Variants in HIP1 observed in about 807,000 individuals in gnomAD.
The protein encoded by HIP1 is huntingtin interacting protein 1, also known as huntingtin-interacting protein 1.
Under a neutral mutation model 147.6 loss-of-function variants are expected in HIP1, and 65 were observed. That is an observed-to-expected ratio of 0.44 (90% CI 0.36 to 0.54). HIP1 has a LOEUF of 0.54. Among genes scored for constraint, HIP1 ranks in the 20% least tolerant of loss-of-function variants. HIP1 has a pLI of 0.00. For synonymous variants in HIP1, 479 were observed against 504.0 expected (o/e 0.95, Z 0.67); for missense variants, 1,061 against 1,299.6 (o/e 0.82, Z 2.82).
chr7:75,736,891 A>C (rs1554523756), intron 1 of HIP1, among the ~76,000 whole-genome samples: 1 of 149,082 alleles, frequency 6.7e-6, no homozygotes, highest in Non-Finnish European at 1.5e-5. Context: ...GCTTCACACT[A>C]TCCAGACACA....
At chr7:75,715,978 A>C (rs2117364702) in intron 1 of HIP1, among the ~76,000 whole-genome samples, 1 of 151,918 alleles carries the variant, frequency 6.6e-6, no homozygotes, top group Middle Eastern at 3.4e-3. Context: ...TCTTTTAAAC[A>C]ACCAGCTCTC....
rs1563278466 is a variant in HIP1 at position 75,664,032 on chromosome 7, ATATATACACATATATGTG to A, written c.121-64803_121-64786del. On this transcript the variant is annotated intron_variant, in intron 1 of 30. Coordinates refer to ENST00000336926, the MANE Select transcript of HIP1 (RefSeq NM_005338.7). ...TATATATATACACATATATGTGTAT[ATATATACACATATATGTG>A]TATATACACATATATGTGTATATAC... 5.9e-3 allele frequency among the ~76,000 whole-genome samples: 83 copies of A among 14,118 alleles called. 23 individuals carry two copies. Among genetic ancestry groups the A allele is most frequent in the African/African-American group, 0.025 (28 of 1,114 alleles). The allele number at this position is 14,118 out of a possible 152,430, so 9.3% of individuals were successfully genotyped here. A position where few individuals can be genotyped will look rare whatever the true frequency, so the allele number is the denominator to read the frequency against.
intron 1 of HIP1, among the ~76,000 whole-genome samples, chr7:75,612,379 C>T (rs1193530819): frequency 1.6e-4 from 24 of 151,966 alleles, no homozygotes; most frequent in Middle Eastern, 3.4e-3. Context: ...GGTGGTGGCG[C>T]GTACCTGTAG....
chr7:75,711,732 C>G (rs891222191), intron 1 of HIP1, among the ~76,000 whole-genome samples: 3 of 152,218 alleles, frequency 2.0e-5, no homozygotes, highest in Non-Finnish European at 2.9e-5. Flanking sequence ...CCAGACCTCT[C>G]TCTGAGGTAT....
At chr7:75,622,594 T>G (rs183490479) in intron 1 of HIP1, among the ~76,000 whole-genome samples, 2 of 151,484 alleles carry the variant, frequency 1.3e-5, no homozygotes, top group Non-Finnish European at 2.9e-5. Context: ...TAAATAAGGA[T>G]AGGAGGGAAT....
At chr7:75,675,045 C>T (rs1799849777) in intron 1 of HIP1, among the ~76,000 whole-genome samples, 1 of 152,010 alleles carries the variant, frequency 6.6e-6, no homozygotes, top group Non-Finnish European at 1.5e-5. Flanking sequence ...CTTTCTTCTT[C>T]CACAGGGACT....
At position 75,682,427 on chromosome 7, in the gene HIP1, GT is replaced by G. The variant is rs572136575; in HGVS notation, c.120+56373del. The stretch of plus-strand genomic sequence containing the variant: ...GGCTACATGCTACTATAGCCAGCTA[GT>G]TTTTTTTTTTTTCTAAAGGTGGGAT... On this transcript the variant is annotated intron_variant, in intron 1 of 30. Coordinates refer to ENST00000336926, the MANE Select transcript of HIP1 (RefSeq NM_005338.7). Among the ~76,000 whole-genome samples, 1,067 of 144,180 alleles carry G rather than the reference GT, an allele frequency of 7.4e-3. 14 individuals carry two copies. The highest frequency in any genetic ancestry group is 0.024 in the African/African-American group (949 of 39,478). 94.6% of individuals were successfully genotyped at this position (144,180 alleles called of 152,430 possible). A position where few individuals can be genotyped will look rare whatever the true frequency, so the allele number is the denominator to read the frequency against.
intron 1 of HIP1, among the ~76,000 whole-genome samples, chr7:75,726,849 A>G (rs1256903352): frequency 1.3e-5 from 2 of 150,360 alleles, no homozygotes; most frequent in African/African-American, 4.9e-5. Context: ...CCTAATTTTC[A>G]TATTTTTAGT....
intron 1 of HIP1, chr7:75,733,502 T>G (rs1554523302): frequency 1.3e-5 from 2 of 151,976 alleles, no homozygotes; most frequent in African/African-American, 4.9e-5. Flanking sequence ...TGTGATGGAT[T>G]GGGTGGGGAA....
At chr7:75,538,295 G>A in intron 30 of HIP1, 71 bp from the exon 31 acceptor site, 1 of 1,131,884 alleles carries the variant, frequency 8.8e-7, no homozygotes, top group Non-Finnish European at 1.4e-6. Context: ...AACAAAACCT[G>A]CCACCATGGG....
chr7:75,570,028 G>A (rs1025047755), intron 8 of HIP1, among the ~76,000 whole-genome samples: 10 of 151,542 alleles, frequency 6.6e-5, no homozygotes, highest in South Asian at 2.1e-4. Flanking sequence ...TCCGCCTCCC[G>A]GGTTCAAGCA....
At chr7:75,618,381 C>T (rs1232061827) in intron 1 of HIP1, among the ~76,000 whole-genome samples, 14 of 152,118 alleles carry the variant, frequency 9.2e-5, no homozygotes. Context: ...AAACTCCTGA[C>T]CTCAAGTGTT....
chr7:75,543,047 ATGG>A, intron 27 of HIP1, 73 bp from the exon 28 acceptor site: 1 of 1,498,782 alleles, frequency 6.7e-7, no homozygotes, highest in Non-Finnish European at 9.0e-7. Context: ...AATTGCTCTG[ATGG>A]TTCTTAGCAA....
chr7:75,566,131 C>T (rs1289206731), intron 9 of HIP1, among the ~76,000 whole-genome samples: 3 of 151,248 alleles, frequency 2.0e-5, no homozygotes, highest in South Asian at 2.1e-4. Context: ...TGGGTTCAAG[C>T]GATTCTTCTG....
At chr7:75,581,623 A>T (rs587668100) in intron 6 of HIP1, among the ~76,000 whole-genome samples, 1 of 152,310 alleles carries the variant, frequency 6.6e-6, no homozygotes, top group Admixed American at 6.5e-5. Flanking sequence ...TACTAAAAAT[A>T]TAAAAATTAG....
chr7:75,545,945 C>T (rs1032842257), intron 25 of HIP1, among the ~76,000 whole-genome samples: 1 of 151,838 alleles, frequency 6.6e-6, no homozygotes, highest in Non-Finnish European at 1.5e-5. Context: ...GTCTCAAAAA[C>T]AAACAAACAA....
At chr7:75,554,549 A>G (rs1554492828) in intron 19 of HIP1, 23 bp from the exon 20 acceptor site, 1 of 1,576,222 alleles carries the variant, frequency 6.3e-7, no homozygotes, top group Non-Finnish European at 8.7e-7. Context: ...ACACAGGGCA[A>G]GGTCAGAGCA....
chr7:75,716,699 T>G (rs1452118578), intron 1 of HIP1, among the ~76,000 whole-genome samples: 2 of 150,600 alleles, frequency 1.3e-5, no homozygotes, highest in African/African-American at 4.9e-5. Context: ...TTTTTGTATT[T>G]TTAGTAGAGA....
At chr7:75,549,304 T>C (rs1554491681) in intron 22 of HIP1, among the ~76,000 whole-genome samples, 1 of 152,062 alleles carries the variant, frequency 6.6e-6, no homozygotes, top group Non-Finnish European at 1.5e-5. Context: ...CAGTGTCAAT[T>C]GTACTAGCTA....
Sources: gnomAD v4.1 joint callset for allele counts (sites outside exome capture counted in the v4.1 genomes callset) on GRCh38, gnomAD v4.1.1 for gene constraint, MANE v1.5 for transcripts, NCBI Gene and HGNC (gene_info 2026-07-23, HGNC 2026-07-21) for gene names.